The following BCL11B variants were observed in gnomAD, a reference collection of about 807,000 sequenced individuals.
BCL11B encodes BCL11 transcription factor B.
Under a neutral mutation model 49.9 loss-of-function variants are expected in BCL11B, and 8 were observed. That is an observed-to-expected ratio of 0.16 (90% CI 0.09 to 0.29). BCL11B has a LOEUF of 0.29. Ranked by LOEUF, BCL11B falls within the 10% of genes least tolerant of loss-of-function variation. The pLI is 1.00. For missense variants in BCL11B, 1,006 were observed against 1,351.0 expected (o/e 0.74, Z 4.00); for synonymous variants, 739 against 637.4 (o/e 1.16, Z -2.40).
chr14:99,199,680 GTGTGCGCGCGCGCGCGCA>G (rs1887298762), intron 3 of BCL11B, among the ~76,000 whole-genome samples: 1 of 56,720 alleles, frequency 1.8e-5, no homozygotes, highest in Non-Finnish European at 5.3e-5. Context: ...GTGTGTGTGT[GTGTGCGCGCGCGCGCGCA>G]CGTGCACGTG....
chr14:99,269,149 T>G (rs919019402), intron 1 of BCL11B, among the ~76,000 whole-genome samples: 1 of 35,534 alleles, frequency 2.8e-5, no homozygotes, highest in South Asian at 1.1e-3. Context: ...CCACTCCCCC[T>G]TCCCCGACCC....
Position 99,271,225 on chromosome 14 carries a change from G to T in BCL11B, c.-7C>A. 6.6e-7 allele frequency: 1 copy of T among 1,523,016 alleles called. No homozygotes were observed. The allele number at this position is 1,523,016 out of a possible 1,614,324, so 94.3% of individuals were successfully genotyped here. ...CCTGTTTGCGGCGGGACATTGCCCC[G>T]GCATCTATTCTGGCATCGCCCGGAG... is the stretch of plus-strand genomic sequence containing the variant. On this transcript the variant is annotated 5_prime_UTR_variant, in exon 1 of 4. Coordinates refer to ENST00000357195, the MANE Select transcript of BCL11B (RefSeq NM_138576.4).
intron 2 of BCL11B, among the ~76,000 whole-genome samples, chr14:99,243,711 A>G (rs1027753472): frequency 6.6e-6 from 1 of 152,160 alleles, no homozygotes; most frequent in African/African-American, 2.4e-5. Context: ...TCTAAGCAGG[A>G]CTCAGGTGCC....
chr14:99,264,886 C>T lies in BCL11B; in HGVS notation c.58+6275G>A, dbSNP rs192928025. Among the ~76,000 whole-genome samples, 174 of 152,248 alleles carry T rather than the reference C, an allele frequency of 1.1e-3. 1 individual carries two copies. Among genetic ancestry groups the T allele is most frequent in the Non-Finnish European group, 2.6e-4 (18 of 68,020 alleles). On this transcript the variant is annotated intron_variant, in intron 1 of 3. Transcript: ENST00000357195. ...CCACGCCCTGGGAAACATACTTGCT[C>T]AAGGGAGGCAGTCAGCACACGGCGT...
chr14:99,170,151 A>T lies in BCL11B; in HGVS notation c.*4000T>A, dbSNP rs1886240777. ...ACTACAGGAAGACCACCCTGGAGGCACTCTAGGACCTCAGTGGGGCATCCA... is the reference window on the plus strand; with the variant it reads ...ACTACAGGAAGACCACCCTGGAGGCTCTCTAGGACCTCAGTGGGGCATCCA... On this transcript the variant is annotated 3_prime_UTR_variant, in exon 4 of 4. Transcript: ENST00000357195. 1 of 225,090 alleles carries T rather than the reference A, an allele frequency of 4.4e-6. No homozygotes were observed. Among genetic ancestry groups the T allele is most frequent in the East Asian group, 6.4e-5 (1 of 15,526 alleles). The allele number at this position is 225,090 out of a possible 1,614,324, so 13.9% of individuals were successfully genotyped here. A position where few individuals can be genotyped will look rare whatever the true frequency, so the allele number is the denominator to read the frequency against.
At chr14:99,212,160 G>A (rs1420297417) in intron 3 of BCL11B, among the ~76,000 whole-genome samples, 1 of 152,168 alleles carries the variant, frequency 6.6e-6, no homozygotes, top group South Asian at 2.1e-4. Flanking sequence ...GGATTCACCT[G>A]AGCACTGGGG....
chr14:99,241,671 C>T lies in BCL11B; in HGVS notation c.428-10114G>A, dbSNP rs1449089838. 6.6e-6 allele frequency among the ~76,000 whole-genome samples: 1 copy of T among 151,988 alleles called. No individual in the cohort carries two copies. Among genetic ancestry groups the T allele is most frequent in the Admixed American group, 6.5e-5 (1 of 15,268 alleles). On this transcript the variant is annotated intron_variant, in intron 2 of 3. Transcript: ENST00000357195. The surrounding 1 kb of genome is among the most constrained non-coding windows in gnomAD (Gnocchi z 4.4). Reference sequence around the variant, plus strand: ...ACGTGTCCCTGTGCTGTAGGGGGGACGATGTCGCTTTTTTCCCCCTTCCCT... The same window carrying T: ...ACGTGTCCCTGTGCTGTAGGGGGGATGATGTCGCTTTTTTCCCCCTTCCCT...
chr14:99,210,266 G>A (rs1352262860), intron 3 of BCL11B, among the ~76,000 whole-genome samples: 2 of 152,168 alleles, frequency 1.3e-5, no homozygotes, highest in East Asian at 1.9e-4. Context: ...ATTCCTTGCA[G>A]AAGAAACAAA....
chr14:99,267,459 T>C (rs1014480119), intron 1 of BCL11B, among the ~76,000 whole-genome samples: 2 of 151,878 alleles, frequency 1.3e-5, no homozygotes, highest in Admixed American at 6.6e-5. Context: ...CACGTTTTTA[T>C]TCTCCCATTG....
chr14:99,195,965 C>T lies in BCL11B; in HGVS notation c.641-19770G>A, dbSNP rs1342831081. ...CCTAGATAAATATCTGGAAAGAAGT[C>T]GGGAAACAATTAAAACTAGAAGCTA... On this transcript the variant is annotated intron_variant, in intron 3 of 3. Transcript: ENST00000357195. The surrounding 1 kb of genome is among the most constrained non-coding windows in gnomAD (Gnocchi z 4.7). 6.6e-6 allele frequency among the ~76,000 whole-genome samples: 1 copy of T among 152,026 alleles called. No homozygotes were observed. The highest frequency in any genetic ancestry group is 1.5e-5 in the Non-Finnish European group (1 of 68,008).
rs1237612814 is a variant in BCL11B, at chr14:99,174,531, C to T, written c.2305G>A (p.Gly769Ser). 3 of 1,514,338 alleles carry T rather than the reference C, an allele frequency of 2.0e-6. No homozygotes were observed. The highest frequency in any genetic ancestry group is 1.4e-5 in the African/African-American group (1 of 69,390). The allele number at this position is 1,514,338 out of a possible 1,614,324, so 93.8% of individuals were successfully genotyped here. A position where few individuals can be genotyped will look rare whatever the true frequency, so the allele number is the denominator to read the frequency against. The change falls in exon 4 of 4, where the codon GGC (glycine) becomes AGC (serine). Residue 769 changes from glycine to serine, a missense_variant. Physicochemically the swap from Gly to Ser is moderately conservative, Grantham distance 56. Coordinates refer to ENST00000357195, the MANE Select transcript of BCL11B (RefSeq NM_138576.4). Reference protein sequence around the residue: ...LLDGGLSGRSGTASGGSTPHL... With the variant: ...LLDGGLSGRSSTASGGSTPHL... ...GGGGTGCTGCCTCCGCTGGCCGTGC[C>T]GCTGCGGCCCGAGAGGCCGCCGTCC...
At chr14:99,201,909 C>A (rs1375500592) in intron 3 of BCL11B, among the ~76,000 whole-genome samples, 1 of 152,198 alleles carries the variant, frequency 6.6e-6, no homozygotes, top group Non-Finnish European at 1.5e-5. Flanking sequence ...GTGACCAGAA[C>A]AATGCCAGGC....
chr14:99,202,579 G>T (rs1887416992), intron 3 of BCL11B, among the ~76,000 whole-genome samples: 1 of 152,230 alleles, frequency 6.6e-6, no homozygotes, highest in African/African-American at 2.4e-5. Context: ...GGCAACGCAA[G>T]GAGTGCCCTG....
intron 2 of BCL11B, among the ~76,000 whole-genome samples, chr14:99,237,236 CT>C (rs56991081): frequency 0.13 from 16,858 of 132,600 alleles, 2,296 homozygotes; most frequent in African/African-American, 0.36. Context: ...CTTTTTTTTT[CT>C]TTTTTTTTTT....
chr14:99,221,459 C>G (rs892286190), intron 3 of BCL11B, among the ~76,000 whole-genome samples: 1 of 152,248 alleles, frequency 6.6e-6, no homozygotes, highest in Admixed American at 6.5e-5. Context: ...GAGAATCATA[C>G]AATACTGGCG....
chr14:99,230,694 C>T (rs760009002), intron 3 of BCL11B, among the ~76,000 whole-genome samples: 3 of 152,302 alleles, frequency 2.0e-5, no homozygotes, highest in Admixed American at 1.3e-4. Context: ...ACCGCCCGCC[C>T]GGGAGAGCAG....
In BCL11B at chr14:99,174,798, C is replaced by G; in HGVS notation, c.2038G>C (p.Gly680Arg). 1 of 1,430,890 alleles carries G rather than the reference C, an allele frequency of 7.0e-7. No individual in the cohort carries two copies. The highest frequency in any genetic ancestry group is 9.1e-7 in the Non-Finnish European group (1 of 1,092,918). The allele number at this position is 1,430,890 out of a possible 1,614,324, so 88.6% of individuals were successfully genotyped here. Residue 680 changes from glycine to arginine, a missense_variant, in exon 4 of 4, where the codon GGG becomes CGG. Physicochemically the swap from Gly to Arg is moderately radical, Grantham distance 125 (BLOSUM62 -2). Around this residue, in one of 6 missense-constraint regions of BCL11B, gnomAD observed 443 missense variants for 499.7 expected, o/e 0.89. Transcript: ENST00000357195. ...PRKPAPLPSP[G>R]LNSAAKRIKV... is the part of the protein sequence containing the mutation. Reference sequence around the variant, plus strand: ...ATGCGCTTGGCGGCGCTGTTGAGCCCGGGGCTGGGCAGCGGCGCGGGCTTG... The same window carrying G: ...ATGCGCTTGGCGGCGCTGTTGAGCCGGGGGCTGGGCAGCGGCGCGGGCTTG...
chr14:99,199,166 T>C (rs1234619301), intron 3 of BCL11B, among the ~76,000 whole-genome samples: 1 of 152,222 alleles, frequency 6.6e-6, no homozygotes, highest in Non-Finnish European at 1.5e-5. Flanking sequence ...TCCTGGTAAT[T>C]ACCGTGACCA....
At chr14:99,188,598 C>T (rs910102639) in intron 3 of BCL11B, among the ~76,000 whole-genome samples, 2 of 152,190 alleles carry the variant, frequency 1.3e-5, no homozygotes, top group African/African-American at 4.8e-5. Flanking sequence ...AGGGCTGAGG[C>T]TGAAACCGTG....
Sources: gnomAD v4.1 joint callset for allele counts (sites outside exome capture counted in the v4.1 genomes callset) on GRCh38, gnomAD v4.1.1 for gene constraint, gnomAD v4.1.1 regional missense constraint, Gnocchi (gnomAD v3.1) non-coding constraint, MANE v1.5 for transcripts, NCBI Gene and HGNC (gene_info 2026-07-23, HGNC 2026-07-21) for gene names.